The following ENTPD3 variants were observed in gnomAD, a reference collection of about 807,000 sequenced individuals.
The protein encoded by ENTPD3 is ectonucleoside triphosphate diphosphohydrolase 3, also known as CD39 antigen-like 3.
In ENTPD3, 60 loss-of-function variants were observed where a neutral mutation model predicts 51.2. The observed-to-expected ratio is 1.17, with a 90% confidence interval of 0.95 to 1.45. The LOEUF (loss-of-function observed/expected upper bound fraction) is 1.45, where lower values mean the gene tolerates loss of function less well. ENTPD3 is among the 40% of genes most tolerant of loss of function. The pLI, the probability that ENTPD3 is intolerant of heterozygous loss-of-function variation, is 0.00. For missense variants in ENTPD3, 593 were observed against 641.1 expected, an observed-to-expected ratio of 0.93 and a Z score of 0.81; for synonymous variants, 221 against 238.4, an observed-to-expected ratio of 0.93 and a Z score of 0.67.
chr3:40,396,183 G>A (rs1955194641), intron 3 of ENTPD3, among the ~76,000 whole-genome samples: 1 of 152,158 alleles, frequency 6.6e-6, no homozygotes, highest in South Asian at 2.1e-4. Flanking sequence ...GCTTAATTGG[G>A]TGGATTAAAT....
chr3:40,404,987 T>C (rs1461022314), intron 4 of ENTPD3, among the ~76,000 whole-genome samples: 3 of 152,184 alleles, frequency 2.0e-5, no homozygotes, highest in Non-Finnish European at 4.4e-5. Flanking sequence ...CTGCTTGTGG[T>C]GAAGCCACCT....
At chr3:40,401,079 C>T in intron 4 of ENTPD3, 68 bp downstream of exon 4, 1 of 1,172,782 alleles carries the variant, frequency 8.5e-7, no homozygotes, top group Non-Finnish European at 1.3e-6. Context: ...TTTTGGAGGC[C>T]TGGAGAGGTC....
At chr3:40,409,118 G>C (rs1295068185) in intron 4 of ENTPD3, among the ~76,000 whole-genome samples, 1 of 151,842 alleles carries the variant, frequency 6.6e-6, no homozygotes, top group Non-Finnish European at 1.5e-5. Flanking sequence ...CGGGTCTGTT[G>C]GTGCATACCT....
At chr3:40,398,399 G>C (rs983390031) in intron 3 of ENTPD3, among the ~76,000 whole-genome samples, 3 of 152,142 alleles carry the variant, frequency 2.0e-5, no homozygotes, top group Non-Finnish European at 2.9e-5. Flanking sequence ...GGGCTGGAGT[G>C]GTGGTGATCA....
intron 4 of ENTPD3, among the ~76,000 whole-genome samples, chr3:40,407,312 C>T (rs1955526950): frequency 6.6e-6 from 1 of 150,884 alleles, no homozygotes; most frequent in African/African-American, 2.4e-5. Context: ...CAGCCATAGA[C>T]AACAGGTAGA....
At chr3:40,417,434 C>T (rs1955771530) in intron 7 of ENTPD3, among the ~76,000 whole-genome samples, 1 of 152,038 alleles carries the variant, frequency 6.6e-6, no homozygotes, top group African/African-American at 2.4e-5. Flanking sequence ...GAGAGTGAAG[C>T]GGAAGGTGCC....
chr3:40,388,116 G>A lies in ENTPD3; in HGVS notation c.40+19G>A. 1.2e-6 allele frequency: 2 copies of A among 1,613,922 alleles called. No individual in the cohort carries two copies. Among genetic ancestry groups the A allele is most frequent in the Non-Finnish European group, 1.7e-6 (2 of 1,179,818 alleles). On this transcript the variant is annotated intron_variant, in intron 2 of 10. Coordinates refer to ENST00000301825, the MANE Select transcript of ENTPD3 (RefSeq NM_001248.4). ...CAAGCAGGTTAGTATCTCTCAGCAG[G>A]TAGCAAGCGTGGTTTTGCCAAATCG...
intron 7 of ENTPD3, among the ~76,000 whole-genome samples, chr3:40,422,141 C>T (rs2125610730): frequency 6.6e-6 from 1 of 151,786 alleles, no homozygotes; most frequent in East Asian, 1.9e-4. Context: ...TTGTCACACA[C>T]ACACACACAC....
Position 40,423,007 on chromosome 3 carries a change from A to AT in ENTPD3, c.989_990insT (p.Ser332IlefsTer4). On this transcript the variant is annotated frameshift_variant, in exon 8 of 11. Transcript: ENST00000301825. LOFTEE classifies it high-confidence loss of function. ...GTCATCACTTTTGAAGGAACTGGGG[A>AT]CCCATCTCTGTGTAAGGAGAAGGTG... 5 of 1,614,056 alleles carry AT rather than the reference A, an allele frequency of 3.1e-6. No individual in the cohort carries two copies. The highest frequency in any genetic ancestry group is 4.2e-6 in the Non-Finnish European group (5 of 1,179,988).
chr3:40,401,945 T>C (rs1955366965), intron 4 of ENTPD3, among the ~76,000 whole-genome samples: 1 of 151,684 alleles, frequency 6.6e-6, no homozygotes, highest in Non-Finnish European at 1.5e-5. Flanking sequence ...CTTTATAGTT[T>C]TGTCTTATGT....
chr3:40,399,158 C>T (rs899929112), intron 3 of ENTPD3, among the ~76,000 whole-genome samples: 1 of 152,054 alleles, frequency 6.6e-6, no homozygotes, highest in Non-Finnish European at 1.5e-5. Flanking sequence ...GAAGTTGAGG[C>T]TGCAGTGAGT....
chr3:40,392,592 A>G, intron 3 of ENTPD3: 1 of 154,300 alleles, frequency 6.5e-6, no homozygotes, highest in South Asian at 2.0e-4. Flanking sequence ...AAAAAAAAAA[A>G]TTTACCGGTT....
At chr3:40,422,322 ACT>A (rs2125610918) in intron 7 of ENTPD3, among the ~76,000 whole-genome samples, 1 of 65,790 alleles carries the variant, frequency 1.5e-5, no homozygotes, top group African/African-American at 4.1e-5. Flanking sequence ...CTAATACCTT[ACT>A]CTTTTTTTTT....
At chr3:40,406,339 G>A (rs754423821) in intron 4 of ENTPD3, among the ~76,000 whole-genome samples, 1 of 152,160 alleles carries the variant, frequency 6.6e-6, no homozygotes, top group Non-Finnish European at 1.5e-5. Flanking sequence ...GATGAGAAAT[G>A]AGACTGAAGC....
intron 4 of ENTPD3, among the ~76,000 whole-genome samples, chr3:40,409,048 T>C (rs1487684866): frequency 6.6e-6 from 1 of 151,868 alleles, no homozygotes; most frequent in East Asian, 1.9e-4. Flanking sequence ...AAGTCAGGAG[T>C]TTGAGACCAG....
In ENTPD3 at chr3:40,388,610, ACACACACACACAC is replaced by A. The variant is rs1486300541; in HGVS notation, c.40+514_40+526del. Among the ~76,000 whole-genome samples, 470 of 148,986 alleles carry A rather than the reference ACACACACACACAC, an allele frequency of 3.2e-3. 3 individuals are homozygous for A. Among genetic ancestry groups the A allele is most frequent in the Non-Finnish European group, 5.5e-3 (365 of 66,406 alleles). On this transcript the variant is annotated intron_variant, in intron 2 of 10. Transcript: ENST00000301825. Reference sequence around the variant, plus strand: ...GACACACACACACACACACACACACACACACACACACACACTTCTAAGCTTGCCCCGCCTGCCT... The same window carrying A: ...GACACACACACACACACACACACACAACTTCTAAGCTTGCCCCGCCTGCCT...
rs142208122 is a variant in ENTPD3, at chr3:40,393,315, A to T, written c.168+1165A>T. On this transcript the variant is annotated intron_variant, in intron 3 of 10. Coordinates refer to ENST00000301825, the MANE Select transcript of ENTPD3 (RefSeq NM_001248.4). Reference sequence around the variant, plus strand: ...CTTCTTTGTTTTTTGACTCATTAAGAATGTACAAACCCTTCTTAGCTGTGC... The same window carrying T: ...CTTCTTTGTTTTTTGACTCATTAAGTATGTACAAACCCTTCTTAGCTGTGC... Among the ~76,000 whole-genome samples, 262 of 152,278 alleles carry T rather than the reference A, an allele frequency of 1.7e-3. 2 individuals are homozygous for T. The highest frequency in any genetic ancestry group is 6.1e-3 in the African/African-American group (253 of 41,556).
intron 2 of ENTPD3, among the ~76,000 whole-genome samples, chr3:40,388,591 C>CACAG (rs1559505630): frequency 7.6e-6 from 1 of 131,902 alleles, no homozygotes; most frequent in African/African-American, 3.6e-5. Flanking sequence ...CACAGACACA[C>CACAG]ACACACACAC....
At chr3:40,401,574 A>C (rs1411799707) in intron 4 of ENTPD3, among the ~76,000 whole-genome samples, 1 of 152,238 alleles carries the variant, frequency 6.6e-6, no homozygotes, top group Non-Finnish European at 1.5e-5. Flanking sequence ...GTCTTCCAGC[A>C]GTGATAAGGA....
Sources: gnomAD v4.1 joint callset for allele counts (sites outside exome capture counted in the v4.1 genomes callset) on GRCh38, gnomAD v4.1.1 for gene constraint, MANE v1.5 for transcripts, NCBI Gene and HGNC (gene_info 2026-07-23, HGNC 2026-07-21) for gene names.